SKAP1: variants seen among roughly 807,000 people sequenced by gnomAD.
SKAP1 encodes the protein src kinase associated phosphoprotein 1, also known as src kinase-associated phosphoprotein 1.
Under a neutral mutation model 58.5 loss-of-function variants are expected in SKAP1, and 44 were observed. That is an observed-to-expected ratio of 0.75 (90% CI 0.59 to 0.97). SKAP1 has a LOEUF of 0.97. Ranked by LOEUF, SKAP1 falls within the 50% of genes least tolerant of loss-of-function variation. The probability of loss-of-function intolerance (pLI) is 0.00; values close to 1 mark genes in which losing one functional copy is unlikely to be tolerated. For synonymous variants in SKAP1, 127 were observed against 149.7 expected, an observed-to-expected ratio of 0.85 and a Z score of 1.11; for missense variants, 390 against 435.2, an observed-to-expected ratio of 0.90 and a Z score of 0.92.
chr17:48,309,302 A>G (rs2066190494), intron 4 of SKAP1, among the ~76,000 whole-genome samples: 1 of 152,146 alleles, frequency 6.6e-6, no homozygotes, highest in Admixed American at 6.5e-5. Flanking sequence ...AGTCTTTAGG[A>G]GCTTACTCAT....
intron 4 of SKAP1, among the ~76,000 whole-genome samples, chr17:48,281,800 C>T (rs559142999): frequency 2.6e-5 from 4 of 152,000 alleles, no homozygotes; most frequent in East Asian, 1.9e-4. Flanking sequence ...TGCCCTCATA[C>T]TCATATTGTT....
chr17:48,275,411 T>C (rs991864528), intron 4 of SKAP1, among the ~76,000 whole-genome samples: 1 of 152,234 alleles, frequency 6.6e-6, no homozygotes, highest in Non-Finnish European at 1.5e-5. Context: ...CTTCATCGTA[T>C]GTTGACATCT....
upstream of SKAP1, chr17:48,430,246 G>A (rs2067901832): frequency 1.2e-5 from 8 of 678,422 alleles, no homozygotes; most frequent in Non-Finnish European, 1.6e-5. Context: ...CGCCCAGCCC[G>A]GCCGCGGGGC....
intron 4 of SKAP1, among the ~76,000 whole-genome samples, chr17:48,240,479 A>G (rs918248065): frequency 1.3e-5 from 2 of 152,246 alleles, no homozygotes; most frequent in African/African-American, 4.8e-5. Flanking sequence ...TTCTAACTGT[A>G]GAACCCTGAG....
chr17:48,433,137 C>A (rs969847537), upstream of SKAP1, among the ~76,000 whole-genome samples: 2 of 152,228 alleles, frequency 1.3e-5, no homozygotes, highest in Non-Finnish European at 2.9e-5. Context: ...CAGCAGTCAG[C>A]CCCACTCCTA....
chr17:48,370,297 T>A (rs967052947), intron 2 of SKAP1, among the ~76,000 whole-genome samples: 2 of 152,052 alleles, frequency 1.3e-5, no homozygotes, highest in Non-Finnish European at 2.9e-5. Context: ...CCAATCAGAA[T>A]GGCTATCATT....
rs1484054740 is a variant in SKAP1 at position 48,404,048 on chromosome 17, C to G, written c.47-7263G>C. ...AGAGTGCAGTGAGCTGAGATTGCGC[C>G]ACTGCACTCCAGCCTGGGAGACAGA... On this transcript the variant is annotated intron_variant, in intron 1 of 12. Transcript: ENST00000336915. 3.4e-5 allele frequency among the ~76,000 whole-genome samples: 5 copies of G among 148,528 alleles called. No individual in the cohort carries two copies. In the Middle Eastern group the frequency reaches 0.014, roughly 424 times the overall value.
chr17:48,257,628 C>CTTTTTTTTTTTTTTTTTTTTTTTT (rs56225931), intron 4 of SKAP1, among the ~76,000 whole-genome samples: 31 of 111,146 alleles, frequency 2.8e-4, no homozygotes, highest in East Asian at 6.0e-4. Flanking sequence ...TTCTTTCTTT[C>CTTTTTTTTTTTTTTTTTTTTTTTT]TTTTTTTTTT....
intron 1 of SKAP1, among the ~76,000 whole-genome samples, chr17:48,400,857 A>G (rs1021879130): frequency 6.6e-6 from 1 of 152,212 alleles, no homozygotes; most frequent in Non-Finnish European, 1.5e-5. Context: ...AGAAGACTTA[A>G]TATCGTTAAA....
At chr17:48,355,812 C>T (rs527964664) in intron 3 of SKAP1, among the ~76,000 whole-genome samples, 9 of 149,722 alleles carry the variant, frequency 6.0e-5, no homozygotes, top group African/African-American at 1.7e-4. Flanking sequence ...GGTGACAGAG[C>T]GAGACTCTGT....
intron 4 of SKAP1, among the ~76,000 whole-genome samples, chr17:48,232,184 C>A (rs1979897): frequency 6.6e-6 from 1 of 152,150 alleles, no homozygotes. Context: ...CCTGGGCGTG[C>A]CTCAGATTAA....
At chr17:48,180,691 T>A (rs2064356381) in intron 8 of SKAP1, among the ~76,000 whole-genome samples, 1 of 152,202 alleles carries the variant, frequency 6.6e-6, no homozygotes, top group Non-Finnish European at 1.5e-5. Flanking sequence ...GTGCTGGAGC[T>A]GTCAGAAGCT....
intron 4 of SKAP1, among the ~76,000 whole-genome samples, chr17:48,338,443 C>T (rs1486385191): frequency 6.6e-6 from 1 of 152,140 alleles, no homozygotes; most frequent in Non-Finnish European, 1.5e-5. Context: ...TGAGTCACCG[C>T]GCCTGACCAC....
At chr17:48,429,638 C>A (rs946879392) in intron 1 of SKAP1, among the ~76,000 whole-genome samples, 1 of 152,164 alleles carries the variant, frequency 6.6e-6, no homozygotes, top group Non-Finnish European at 1.5e-5. Flanking sequence ...TCGCAGCCCC[C>A]TGGAGAGCCT....
chr17:48,401,755 A>C (rs376056389), intron 1 of SKAP1, among the ~76,000 whole-genome samples: 1 of 152,316 alleles, frequency 6.6e-6, no homozygotes. Context: ...AAGCAACCAA[A>C]TACAAAAATA....
At chr17:48,307,570 A>C (rs2066163111) in intron 4 of SKAP1, 1 of 152,264 alleles carries the variant, frequency 6.6e-6, no homozygotes, top group Admixed American at 6.5e-5. Context: ...TAAAATTTAG[A>C]TAAATTCCAT....
chr17:48,365,033 G>A (rs1052951294), intron 2 of SKAP1, among the ~76,000 whole-genome samples: 16 of 152,044 alleles, frequency 1.1e-4, no homozygotes, highest in African/African-American at 2.2e-4. Flanking sequence ...ACAGGCACAC[G>A]CCACCACACC....
chr17:48,176,321 A>G (rs1049442716), intron 9 of SKAP1, among the ~76,000 whole-genome samples: 3 of 152,322 alleles, frequency 2.0e-5, no homozygotes, highest in South Asian at 2.1e-4. Context: ...CAGCACTTCA[A>G]TGGTCTCAGA....
intron 1 of SKAP1, among the ~76,000 whole-genome samples, chr17:48,400,827 C>T (rs182695793): frequency 0.01 from 1,562 of 152,094 alleles, 11 homozygotes; most frequent in Middle Eastern, 0.02. Flanking sequence ...ATAAATAGAA[C>T]ATATTCTATG....
Sources: allele counts gnomAD v4.1 joint callset (sites outside exome capture counted in the v4.1 genomes callset), GRCh38; gene constraint gnomAD v4.1.1; transcripts MANE v1.5; gene names NCBI Gene and HGNC (gene_info 2026-07-23, HGNC 2026-07-21).